The following PRICKLE1 variants were observed in gnomAD, a reference collection of about 807,000 sequenced individuals.
The protein encoded by PRICKLE1 is prickle-like protein 1.
Under a neutral mutation model 70.2 loss-of-function variants are expected in PRICKLE1, and 14 were observed. The observed-to-expected ratio is 0.20, with a 90% CI of 0.13 to 0.31. PRICKLE1 has a LOEUF of 0.31. Ranked by LOEUF, PRICKLE1 falls within the 10% of genes least tolerant of loss-of-function variation. PRICKLE1 has a pLI of 1.00. For missense variants in PRICKLE1, 821 were observed against 1,026.2 expected, an observed-to-expected ratio of 0.80 and a Z score of 2.73; for synonymous variants, 357 against 379.9, an observed-to-expected ratio of 0.94 and a Z score of 0.70.
At chr12:42,544,340 G>A (rs901190135) in intron 1 of PRICKLE1, among the ~76,000 whole-genome samples, 3 of 151,986 alleles carry the variant, frequency 2.0e-5, no homozygotes, top group Non-Finnish European at 4.4e-5. Context: ...AATTTTTTTT[G>A]TAGTCTGTCA....
intron 1 of PRICKLE1, among the ~76,000 whole-genome samples, chr12:42,570,022 T>C (rs1940681593): frequency 6.6e-6 from 1 of 152,260 alleles, no homozygotes; most frequent in African/African-American, 2.4e-5. Flanking sequence ...ACTGTGCTAA[T>C]GGACAAGTAA....
In PRICKLE1 at chr12:42,459,113, TAACA is replaced by T. The variant is rs1694426713; in HGVS notation, c.*692_*695del. 1 of 507,384 alleles carries T rather than the reference TAACA, an allele frequency of 2.0e-6. No homozygotes were observed. Among genetic ancestry groups the T allele is most frequent in the African/African-American group, 1.9e-5 (1 of 52,742 alleles). The allele number at this position is 507,384 out of a possible 1,614,324, so 31.4% of individuals were successfully genotyped here. On this transcript the variant is annotated 3_prime_UTR_variant, in exon 8 of 8. Coordinates refer to ENST00000345127, the MANE Select transcript of PRICKLE1 (RefSeq NM_153026.3). ...CCCTGGCAAATCTAGCACTGCAGCG[TAACA>T]AACGGCTTACAATTCAGGGATATAA... is the stretch of plus-strand genomic sequence containing the variant.
intron 1 of PRICKLE1, among the ~76,000 whole-genome samples, chr12:42,500,556 C>T (rs770564291): frequency 2.1e-4 from 32 of 152,086 alleles, no homozygotes; most frequent in Non-Finnish European, 4.0e-4. Flanking sequence ...GAACGTATCT[C>T]ACATGATATC....
chr12:42,582,858 T>C (rs996971859), intron 1 of PRICKLE1, among the ~76,000 whole-genome samples: 1 of 152,094 alleles, frequency 6.6e-6, no homozygotes, highest in Non-Finnish European at 1.5e-5. Flanking sequence ...TTAGTGTTAG[T>C]ATGTTTCATG....
chr12:42,568,876 G>A (rs1382214505), intron 1 of PRICKLE1, among the ~76,000 whole-genome samples: 3 of 151,932 alleles, frequency 2.0e-5, no homozygotes, highest in Non-Finnish European at 2.9e-5. Context: ...GGTGTCTACT[G>A]AAATATGTTT....
At chr12:42,579,976 A>G (rs987781916) in intron 1 of PRICKLE1, among the ~76,000 whole-genome samples, 2 of 151,654 alleles carry the variant, frequency 1.3e-5, no homozygotes, top group African/African-American at 4.9e-5. Flanking sequence ...GGTTCAAGAG[A>G]TTCTCCTGCT....
intron 1 of PRICKLE1, among the ~76,000 whole-genome samples, chr12:42,490,341 G>C (rs933340507): frequency 5.9e-5 from 9 of 152,184 alleles, no homozygotes; most frequent in African/African-American, 1.9e-4. Flanking sequence ...GTCAAAGTTT[G>C]AGGGCCAAAA....
intron 1 of PRICKLE1, among the ~76,000 whole-genome samples, chr12:42,508,698 C>T (rs1216209577): frequency 2.0e-5 from 3 of 152,112 alleles, no homozygotes; most frequent in African/African-American, 7.2e-5. Flanking sequence ...GGTGGGCAGA[C>T]AGGTACCAGA....
chr12:42,588,965 G>C (rs1205610021), intron 1 of PRICKLE1, among the ~76,000 whole-genome samples: 2 of 152,192 alleles, frequency 1.3e-5, no homozygotes, highest in African/African-American at 4.8e-5. Flanking sequence ...TCGCGGGGCA[G>C]GGGGTTGGGG....
chr12:42,507,241 C>T (rs1939436203), intron 1 of PRICKLE1, among the ~76,000 whole-genome samples: 1 of 152,124 alleles, frequency 6.6e-6, no homozygotes. Context: ...AGTGTTCCGG[C>T]ACACGGACTG....
chr12:42,567,953 TA>T (rs1940649746), intron 1 of PRICKLE1, among the ~76,000 whole-genome samples: 1 of 152,142 alleles, frequency 6.6e-6, no homozygotes, highest in African/African-American at 2.4e-5. Flanking sequence ...CACAATCCAA[TA>T]TTTGTAATTC....
intron 1 of PRICKLE1, among the ~76,000 whole-genome samples, chr12:42,523,138 A>G (rs1209711916): frequency 6.6e-6 from 1 of 151,698 alleles, no homozygotes. Context: ...ATTTTTTTGT[A>G]TTTTATTTTT....
chr12:42,533,689 AAG>A (rs1361856295), intron 1 of PRICKLE1, among the ~76,000 whole-genome samples: 2 of 151,868 alleles, frequency 1.3e-5, no homozygotes, highest in African/African-American at 4.8e-5. Flanking sequence ...ACAAAAAATA[AAG>A]AGAGAGAGAG....
chr12:42,492,561 G>C (rs1269772920), intron 1 of PRICKLE1, among the ~76,000 whole-genome samples: 1 of 152,168 alleles, frequency 6.6e-6, no homozygotes, highest in Non-Finnish European at 1.5e-5. Context: ...TCTTATCTGA[G>C]ATTCCAAGAC....
chr12:42,480,255 T>C (rs1427078911), intron 1 of PRICKLE1, among the ~76,000 whole-genome samples: 1 of 152,210 alleles, frequency 6.6e-6, no homozygotes, highest in African/African-American at 2.4e-5. Flanking sequence ...CTTTCAAAAT[T>C]TGTTGCTTCC....
intron 1 of PRICKLE1, among the ~76,000 whole-genome samples, chr12:42,518,715 CTG>C (rs1939654319): frequency 1.3e-5 from 2 of 152,300 alleles, no homozygotes; most frequent in South Asian, 2.1e-4. Flanking sequence ...TAAAACTAAA[CTG>C]TGTTCAATAT....
At chr12:42,586,805 T>C (rs1348563495) in intron 1 of PRICKLE1, among the ~76,000 whole-genome samples, 1 of 152,246 alleles carries the variant, frequency 6.6e-6, no homozygotes, top group Non-Finnish European at 1.5e-5. Context: ...AGAGAAATTA[T>C]GATGCAACTT....
intron 1 of PRICKLE1, among the ~76,000 whole-genome samples, chr12:42,567,513 C>A (rs1592035469): frequency 6.6e-6 from 1 of 152,212 alleles, no homozygotes; most frequent in Middle Eastern, 3.4e-3. Context: ...ATATCAATGT[C>A]CAAGAGAGAA....
At chr12:42,478,935 A>C (rs941617032) in intron 1 of PRICKLE1, among the ~76,000 whole-genome samples, 53 of 151,928 alleles carry the variant, frequency 3.5e-4, no homozygotes, top group Non-Finnish European at 7.3e-5. Flanking sequence ...ATCTGACCCA[A>C]AGGATAAGGG....
Sources: gnomAD v4.1 joint callset for allele counts (sites outside exome capture counted in the v4.1 genomes callset) on GRCh38, gnomAD v4.1.1 for gene constraint, MANE v1.5 for transcripts, NCBI Gene and HGNC (gene_info 2026-07-23, HGNC 2026-07-21) for gene names.